The following THRB variants were observed in gnomAD, a reference collection of about 807,000 sequenced individuals.
The protein encoded by THRB is thyroid hormone receptor beta, also known as nuclear receptor subfamily 1 group A member 2.
Under a neutral mutation model 47.8 loss-of-function variants are expected in THRB, and 12 were observed. The observed-to-expected ratio is 0.25, with a 90% CI of 0.16 to 0.41. THRB has a LOEUF of 0.41. Ranked by LOEUF, THRB falls within the 10% of genes least tolerant of loss-of-function variation. The probability of loss-of-function intolerance (pLI) is 1.00; values close to 1 mark genes in which losing one functional copy is unlikely to be tolerated. For synonymous variants in THRB, 218 were observed against 212.2 expected (o/e 1.03, Z -0.24); for missense variants, 348 against 589.2 (o/e 0.59, Z 4.24).
At chr3:24,137,057 C>T (rs1176767760) in intron 8 of THRB, among the ~76,000 whole-genome samples, 1 of 152,204 alleles carries the variant, frequency 6.6e-6, no homozygotes, top group Non-Finnish European at 1.5e-5. Flanking sequence ...CATTCAAACA[C>T]ACATGGTGGC....
At chr3:24,190,408 A>G in intron 4 of THRB, 74 bp from the exon 5 acceptor site, 1 of 1,582,152 alleles carries the variant, frequency 6.3e-7, no homozygotes, top group Non-Finnish European at 8.7e-7. Flanking sequence ...GAGTTTTGGA[A>G]GGCAAGTTGT....
At chr3:24,350,698 T>C (rs777698992) in intron 1 of THRB, among the ~76,000 whole-genome samples, 8 of 152,212 alleles carry the variant, frequency 5.3e-5, no homozygotes, top group Non-Finnish European at 1.2e-4. Flanking sequence ...TTCTTGTCAG[T>C]ATTGCATTTC....
intron 4 of THRB, among the ~76,000 whole-genome samples, chr3:24,205,419 G>T (rs546871818): frequency 2.0e-5 from 3 of 152,294 alleles, no homozygotes; most frequent in East Asian, 3.9e-4. Context: ...AAGTGAAGGA[G>T]AAATAAAATC....
chr3:24,172,707 C>CA (rs2040590619), intron 5 of THRB, among the ~76,000 whole-genome samples: 1 of 152,084 alleles, frequency 6.6e-6, no homozygotes, highest in South Asian at 2.1e-4. Flanking sequence ...GAAGCAGGAA[C>CA]AAGACAGTCT....
At chr3:24,284,747 C>T (rs1286752738) in intron 3 of THRB, among the ~76,000 whole-genome samples, 3 of 149,656 alleles carry the variant, frequency 2.0e-5, no homozygotes, top group Non-Finnish European at 4.4e-5. Flanking sequence ...AAAAAACAAA[C>T]AACCCCATCA....
chr3:24,332,828 G>A (rs896667151), intron 2 of THRB, among the ~76,000 whole-genome samples: 22 of 152,216 alleles, frequency 1.4e-4, no homozygotes, highest in South Asian at 1.2e-3. Context: ...AGGCCGAGGC[G>A]GGCGGATCAC....
chr3:24,338,239 A>T (rs1038931108), intron 1 of THRB, among the ~76,000 whole-genome samples: 6 of 152,170 alleles, frequency 3.9e-5, no homozygotes, highest in Non-Finnish European at 4.4e-5. Context: ...GCCTTTTTTT[A>T]AATTAGAAAA....
intron 3 of THRB, among the ~76,000 whole-genome samples, chr3:24,240,411 T>C (rs1287944228): frequency 1.3e-5 from 2 of 152,154 alleles, no homozygotes; most frequent in Non-Finnish European, 2.9e-5. Context: ...ACAGCCCTTA[T>C]ATAATCTGAG....
At chr3:24,303,465 C>G (rs947513580) in intron 2 of THRB, among the ~76,000 whole-genome samples, 4 of 152,230 alleles carry the variant, frequency 2.6e-5, no homozygotes, top group African/African-American at 4.8e-5. Context: ...AATCAGCCCA[C>G]AGCTAGCCAG....
chr3:24,292,650 T>G (rs1309433346), intron 3 of THRB, among the ~76,000 whole-genome samples: 1 of 152,218 alleles, frequency 6.6e-6, no homozygotes, highest in Admixed American at 6.5e-5. Context: ...GCACTGTGCC[T>G]GGCAAATAGT....
rs1200038742 is a variant in THRB at position 24,117,740 on chromosome 3, C to T, written c.*5144G>A. The T allele has an allele frequency of 6.6e-6, 1 of 152,170 alleles. No homozygotes were observed. The highest frequency in any genetic ancestry group is 1.5e-5 in the Non-Finnish European group (1 of 68,040). 9.4% of individuals were successfully genotyped at this position (152,170 alleles called of 1,614,324 possible). A position where few individuals can be genotyped will look rare whatever the true frequency, so the allele number is the denominator to read the frequency against. On this transcript the variant is annotated 3_prime_UTR_variant, in exon 11 of 11. Coordinates refer to ENST00000646209, the MANE Select transcript of THRB (RefSeq NM_001354712.2). ...ATGCCTGAAGCTTTGGTATGCAATACCCTAGATCCCAGATATTAAAGTCAA... is the reference window on the plus strand; with the variant it reads ...ATGCCTGAAGCTTTGGTATGCAATATCCTAGATCCCAGATATTAAAGTCAA...
At chr3:24,390,963 T>G (rs1285104385) in intron 1 of THRB, among the ~76,000 whole-genome samples, 2 of 152,068 alleles carry the variant, frequency 1.3e-5, no homozygotes, top group Non-Finnish European at 2.9e-5. Context: ...CTGCAGACAA[T>G]TTCCCTCAGC....
chr3:24,355,984 G>A (rs956812200), intron 1 of THRB, among the ~76,000 whole-genome samples: 8 of 152,134 alleles, frequency 5.3e-5, no homozygotes, highest in Non-Finnish European at 1.5e-5. Flanking sequence ...AATCAGATAT[G>A]AGTGAGACTT....
intron 4 of THRB, among the ~76,000 whole-genome samples, chr3:24,197,125 C>T (rs2044045279): frequency 6.6e-6 from 1 of 152,174 alleles, no homozygotes; most frequent in Admixed American, 6.5e-5. Context: ...AAACTATTTC[C>T]TAGGCACATA....
intron 3 of THRB, among the ~76,000 whole-genome samples, chr3:24,245,910 C>CACAAAACAAA (rs1247819946): frequency 6.9e-6 from 1 of 145,194 alleles, no homozygotes; most frequent in African/African-American, 2.8e-5. Context: ...GAGACTCTGT[C>CACAAAACAAA]ACAAAACAAT....
intron 3 of THRB, among the ~76,000 whole-genome samples, chr3:24,267,882 C>T (rs2150584684): frequency 6.6e-6 from 1 of 152,294 alleles, no homozygotes; most frequent in Admixed American, 6.5e-5. Flanking sequence ...TGAAGAAAGC[C>T]TTCCTTATCA....
chr3:24,255,361 A>C (rs1344162468), intron 3 of THRB, among the ~76,000 whole-genome samples: 1 of 152,216 alleles, frequency 6.6e-6, no homozygotes, highest in African/African-American at 2.4e-5. Context: ...TATATAATAC[A>C]ATATATACAT....
chr3:24,161,102 T>G (rs760386258), intron 5 of THRB, among the ~76,000 whole-genome samples: 8 of 152,258 alleles, frequency 5.3e-5, no homozygotes, highest in Non-Finnish European at 1.0e-4. Flanking sequence ...GCTCCTTACT[T>G]TGCTTTCATT....
chr3:24,186,114 G>A (rs1011549226), intron 5 of THRB, among the ~76,000 whole-genome samples: 6 of 152,172 alleles, frequency 3.9e-5, no homozygotes, highest in Admixed American at 3.9e-4. Context: ...CCTTTCCTGT[G>A]CAACGAGTTG....
Sources: allele counts gnomAD v4.1 joint callset (sites outside exome capture counted in the v4.1 genomes callset), GRCh38; gene constraint gnomAD v4.1.1; transcripts MANE v1.5; gene names NCBI Gene and HGNC (gene_info 2026-07-23, HGNC 2026-07-21).